Variants in DGKB observed in about 807,000 individuals in gnomAD.
The protein encoded by DGKB is 90 kDa diacylglycerol kinase.
Under a neutral mutation model 114.3 loss-of-function variants are expected in DGKB, and 67 were observed. The observed-to-expected ratio is 0.59, with a 90% confidence interval of 0.48 to 0.72. The LOEUF (loss-of-function observed/expected upper bound fraction) is 0.72. Among genes scored for constraint, DGKB ranks in the 30% least tolerant of loss-of-function variants. The pLI is 0.00. For missense variants in DGKB, 907 were observed against 975.2 expected (o/e 0.93, Z 0.93); for synonymous variants, 398 against 323.1 (o/e 1.23, Z -2.49).
chr7:14,181,915 G>C (rs888713653), intron 23 of DGKB, among the ~76,000 whole-genome samples: 7 of 152,082 alleles, frequency 4.6e-5, no homozygotes, highest in Non-Finnish European at 1.0e-4. Context: ...ATCTATAAAA[G>C]GTATTTCAGA....
intron 21 of DGKB, among the ~76,000 whole-genome samples, chr7:14,353,503 C>G (rs894423247): frequency 1.3e-5 from 2 of 152,090 alleles, no homozygotes; most frequent in Admixed American, 6.5e-5. Context: ...AAGGAAAAGA[C>G]AAGGGAAACC....
At chr7:14,483,998 G>T (rs1783383507) in intron 20 of DGKB, among the ~76,000 whole-genome samples, 1 of 151,028 alleles carries the variant, frequency 6.6e-6, no homozygotes. Flanking sequence ...GTTACAGCAG[G>T]CATGGGAAAC....
intron 13 of DGKB, among the ~76,000 whole-genome samples, chr7:14,653,654 AT>A (rs1339227375): frequency 8.8e-5 from 12 of 136,792 alleles, no homozygotes; most frequent in African/African-American, 2.3e-4. Flanking sequence ...TTAAAGTATA[AT>A]TTAAAAAAAA....
chr7:14,660,774 G>T (rs1266368483), intron 13 of DGKB, among the ~76,000 whole-genome samples: 1 of 151,880 alleles, frequency 6.6e-6, no homozygotes, highest in African/African-American at 2.4e-5. Context: ...GAACAAAGCT[G>T]GAGGCATCAC....
intron 9 of DGKB, among the ~76,000 whole-genome samples, chr7:14,689,334 C>T (rs947170160): frequency 1.3e-5 from 2 of 151,292 alleles, no homozygotes; most frequent in Non-Finnish European, 2.9e-5. Context: ...ACCCACTGCG[C>T]CCGGCTAATT....
At chr7:14,785,816 C>G (rs1333476539) in intron 2 of DGKB, among the ~76,000 whole-genome samples, 1 of 151,754 alleles carries the variant, frequency 6.6e-6, no homozygotes, top group African/African-American at 2.4e-5. Context: ...TTTTACACTC[C>G]ACAATATAGA....
chr7:14,206,792 AG>A (rs1451872400), intron 23 of DGKB, among the ~76,000 whole-genome samples: 2 of 152,082 alleles, frequency 1.3e-5, no homozygotes, highest in Non-Finnish European at 2.9e-5. Flanking sequence ...CTAATATGCA[AG>A]TAATATTATA....
intron 6 of DGKB, among the ~76,000 whole-genome samples, chr7:14,702,675 A>G (rs928694938): frequency 3.9e-5 from 6 of 152,210 alleles, no homozygotes; most frequent in Non-Finnish European, 8.8e-5. Flanking sequence ...TTGGGTTTGT[A>G]TAATTTCCTG....
intron 13 of DGKB, among the ~76,000 whole-genome samples, chr7:14,643,186 A>C (rs1227590387): frequency 3.9e-5 from 6 of 152,212 alleles, no homozygotes; most frequent in African/African-American, 1.4e-4. Flanking sequence ...GGATCAGCAT[A>C]GAGGCAGGAG....
intron 20 of DGKB, among the ~76,000 whole-genome samples, chr7:14,507,471 A>G (rs1787269989): frequency 6.6e-6 from 1 of 152,184 alleles, no homozygotes; most frequent in Non-Finnish European, 1.5e-5. Context: ...GAAAATACAC[A>G]TACTAGTTAA....
chr7:14,728,468 G>C (rs1830345725), intron 5 of DGKB, among the ~76,000 whole-genome samples: 1 of 152,062 alleles, frequency 6.6e-6, no homozygotes, highest in African/African-American at 2.4e-5. Context: ...ACCTCTCAGT[G>C]CTCCTAACAA....
intron 2 of DGKB, among the ~76,000 whole-genome samples, chr7:14,831,899 A>G (rs1846465223): frequency 6.6e-6 from 1 of 152,114 alleles, no homozygotes; most frequent in South Asian, 2.1e-4. Flanking sequence ...TATAAGCAGA[A>G]GGACATTTCT....
chr7:14,218,253 T>A (rs1190214958), intron 23 of DGKB, among the ~76,000 whole-genome samples: 1 of 152,084 alleles, frequency 6.6e-6, no homozygotes, highest in African/African-American at 2.4e-5. Context: ...TTTGAAATAT[T>A]TTCCAAACAG....
At chr7:14,548,186 T>C (rs1418128933) in intron 20 of DGKB, among the ~76,000 whole-genome samples, 2 of 152,172 alleles carry the variant, frequency 1.3e-5, no homozygotes, top group African/African-American at 4.8e-5. Flanking sequence ...TACATGTGAG[T>C]GATCATTTAA....
At chr7:14,742,303 T>C (rs1321198551) in intron 4 of DGKB, among the ~76,000 whole-genome samples, 2 of 152,220 alleles carry the variant, frequency 1.3e-5, no homozygotes, top group African/African-American at 2.4e-5. Flanking sequence ...CTGGATCTTC[T>C]TCTGTCTGTC....
At chr7:14,170,798 T>G (rs1400590599) in intron 25 of DGKB, among the ~76,000 whole-genome samples, 1 of 152,128 alleles carries the variant, frequency 6.6e-6, no homozygotes, top group Admixed American at 6.5e-5. Flanking sequence ...TGAAAAGAAG[T>G]GTCAAAATGA....
At chr7:14,580,772 A>G (rs533035784) in intron 19 of DGKB, 90 bp downstream of exon 19, 2 of 859,554 alleles carry the variant, frequency 2.3e-6, no homozygotes. Flanking sequence ...CTGAAATCAT[A>G]TCGTTTTTGT....
At chr7:14,277,862 G>C (rs1359848021) in intron 23 of DGKB, among the ~76,000 whole-genome samples, 1 of 151,986 alleles carries the variant, frequency 6.6e-6, no homozygotes, top group African/African-American at 2.4e-5. Flanking sequence ...TTCCATAAAG[G>C]CTGCACTAAT....
intron 20 of DGKB, among the ~76,000 whole-genome samples, chr7:14,484,337 T>C (rs1336707391): frequency 1.3e-5 from 2 of 151,794 alleles, no homozygotes; most frequent in Non-Finnish European, 2.9e-5. Context: ...TTTTCCCCTC[T>C]GAACATCATG....
Sources: allele counts gnomAD v4.1 joint callset (sites outside exome capture counted in the v4.1 genomes callset), GRCh38; gene constraint gnomAD v4.1.1; transcripts MANE v1.5; gene names NCBI Gene and HGNC (gene_info 2026-07-23, HGNC 2026-07-21).